STAU1: variants seen among roughly 807,000 people sequenced by gnomAD.
STAU1 encodes the protein double-stranded RNA-binding protein Staufen homolog 1.
A neutral mutation model predicts 62.9 loss-of-function variants in STAU1; 13 were observed. The observed-to-expected ratio is 0.21, with a 90% CI of 0.13 to 0.33. STAU1 has a LOEUF of 0.33. Among genes scored for constraint, STAU1 ranks in the 10% least tolerant of loss-of-function variants. The probability of loss-of-function intolerance (pLI) is 1.00; values close to 1 mark genes in which losing one functional copy is unlikely to be tolerated. For missense variants in STAU1, 571 were observed against 712.1 expected (o/e 0.80, Z 2.25); for synonymous variants, 269 against 265.1 (o/e 1.01, Z -0.14).
intron 7 of STAU1, among the ~76,000 whole-genome samples, chr20:49,123,900 G>A (rs571319239): frequency 6.6e-6 from 1 of 152,310 alleles, no homozygotes; most frequent in Admixed American, 6.5e-5. Context: ...TGGGGAAGGG[G>A]TCAATATAAT....
intron 1 of STAU1, among the ~76,000 whole-genome samples, chr20:49,182,532 T>C (rs140426570): frequency 5.6e-4 from 86 of 152,304 alleles, no homozygotes; most frequent in African/African-American, 2.0e-3. Context: ...TATGGTAAAA[T>C]GTTCATGACA....
At chr20:49,213,074 T>C in the STAU1 span, among the ~76,000 whole-genome samples, 1 of 152,162 alleles carries the variant, frequency 6.6e-6, no homozygotes, top group South Asian at 2.1e-4. Context: ...GGCATGATCC[T>C]GGTTCACTGC....
At position 49,157,219 on chromosome 20, in the gene STAU1, A is replaced by G. The variant is rs75928751; in HGVS notation, c.206-3148T>C. The stretch of plus-strand genomic sequence containing the variant: ...TTACTTCTCATGAAAGATATTTTGC[A>G]AACTTGATTTAAACACACAGCAGTA... On this transcript the variant is annotated intron_variant, in intron 3 of 13. Transcript: ENST00000371856. Among the ~76,000 whole-genome samples, 683 of 152,262 alleles carry G rather than the reference A, an allele frequency of 4.5e-3. 10 individuals are homozygous for G. The East Asian group carries it at 0.049, about 11-fold the overall frequency.
At chr20:49,218,088 TG>T in the STAU1 span, among the ~76,000 whole-genome samples, 2 of 151,238 alleles carry the variant, frequency 1.3e-5, no homozygotes, top group African/African-American at 4.9e-5. Flanking sequence ...TTGGTCAGGC[TG>T]GTTTTAAACT....
intron 12 of STAU1, 63 bp from the exon 13 acceptor site, chr20:49,115,930 T>G: frequency 2.1e-6 from 3 of 1,444,734 alleles, no homozygotes; most frequent in Admixed American, 3.4e-5. Flanking sequence ...CATAATACAC[T>G]GGTCAGGCAG....
At chr20:49,203,749 C>A in the STAU1 span, among the ~76,000 whole-genome samples, 2 of 152,140 alleles carry the variant, frequency 1.3e-5, no homozygotes, top group African/African-American at 4.8e-5. Context: ...TGCAGTGGCA[C>A]AATCTCGGCT....
intron 4 of STAU1, among the ~76,000 whole-genome samples, chr20:49,153,273 C>G (rs1471811880): frequency 2.3e-5 from 3 of 130,086 alleles, no homozygotes; most frequent in Admixed American, 1.5e-4. Flanking sequence ...AAAAAAGAAG[C>G]ACAAAGGGCC....
chr20:49,126,598 A>AACAAAAAAAAAACAAAAAAAAAC (rs2092629029), intron 6 of STAU1, among the ~76,000 whole-genome samples: 2 of 139,770 alleles, frequency 1.4e-5, no homozygotes, highest in African/African-American at 2.5e-5. Flanking sequence ...CAAAAAAAAA[A>AACAAAAAAAAAACAAAAAAAAAC]CAAAAAAACT....
At chr20:49,203,897 G>T in the STAU1 span, among the ~76,000 whole-genome samples, 1 of 152,144 alleles carries the variant, frequency 6.6e-6, no homozygotes, top group Admixed American at 6.6e-5. Context: ...ATGTTGGCCA[G>T]ACTGGTCTCG....
chr20:49,121,305 G>A (rs1256422267), intron 8 of STAU1, among the ~76,000 whole-genome samples: 3 of 152,078 alleles, frequency 2.0e-5, no homozygotes, highest in East Asian at 3.9e-4. Flanking sequence ...CTACTCGGGA[G>A]GCTGAGGCAG....
chr20:49,218,596 G>A, the STAU1 span, among the ~76,000 whole-genome samples: 2 of 151,604 alleles, frequency 1.3e-5, no homozygotes, highest in East Asian at 3.9e-4. Flanking sequence ...TTGTCATGTT[G>A]CCCAGGGTTG....
At chr20:49,204,865 G>C in the STAU1 span, among the ~76,000 whole-genome samples, 7 of 151,234 alleles carry the variant, frequency 4.6e-5, no homozygotes, top group Non-Finnish European at 1.5e-5. Context: ...GGCCCGGCTG[G>C]TCTCAAACTC....
chr20:49,176,213 A>G (rs1230949184), intron 1 of STAU1, among the ~76,000 whole-genome samples: 3 of 152,204 alleles, frequency 2.0e-5, no homozygotes, highest in African/African-American at 7.2e-5. Flanking sequence ...TCGTTGGCAT[A>G]TGCTTGGTGA....
At chr20:49,155,090 A>G (rs1426874956) in intron 3 of STAU1, among the ~76,000 whole-genome samples, 1 of 152,062 alleles carries the variant, frequency 6.6e-6, no homozygotes, top group Non-Finnish European at 1.5e-5. Context: ...CTGTCTTAAA[A>G]AAAAAAAAGA....
chr20:49,173,321 G>A (rs2093620974), intron 2 of STAU1, among the ~76,000 whole-genome samples: 1 of 152,058 alleles, frequency 6.6e-6, no homozygotes, highest in Non-Finnish European at 1.5e-5. Flanking sequence ...GCCAGGTGTG[G>A]TGGCACACGC....
At chr20:49,128,018 G>A (rs765544110) in intron 6 of STAU1, among the ~76,000 whole-genome samples, 15 of 152,054 alleles carry the variant, frequency 9.9e-5, no homozygotes, top group South Asian at 2.1e-4. Context: ...GCGTGGTAGC[G>A]CATGCCCATA....
chr20:49,210,670 T>A, the STAU1 span, among the ~76,000 whole-genome samples: 1 of 152,228 alleles, frequency 6.6e-6, no homozygotes, highest in African/African-American at 2.4e-5. Flanking sequence ...AGCAGGCTTA[T>A]GTAATCAAGT....
chr20:49,189,722 A>G (rs2093827217), upstream of STAU1, among the ~76,000 whole-genome samples: 2 of 151,930 alleles, frequency 1.3e-5, no homozygotes, highest in African/African-American at 4.8e-5. Context: ...GAATGAAGGA[A>G]CTGCAGGTGC....
chr20:49,160,242 G>A (rs752045880), intron 3 of STAU1, among the ~76,000 whole-genome samples: 51 of 152,170 alleles, frequency 3.4e-4, no homozygotes, highest in Non-Finnish European at 5.3e-4. Context: ...CAACTGAACC[G>A]TATTATGCTA....
Sources: allele counts gnomAD v4.1 joint callset (sites outside exome capture counted in the v4.1 genomes callset), GRCh38; gene constraint gnomAD v4.1.1; transcripts MANE v1.5; gene names NCBI Gene and HGNC (gene_info 2026-07-23, HGNC 2026-07-21).